EDA: variants seen among roughly 807,000 people sequenced by gnomAD.
EDA encodes ectodysplasin-A.
In EDA, 2 loss-of-function variants were observed where a neutral mutation model predicts 23.6. The observed-to-expected ratio is 0.08, with a 90% CI of 0.03 to 0.27. The LOEUF (loss-of-function observed/expected upper bound fraction) is 0.27, where lower values mean the gene tolerates loss of function less well. EDA is among the 10% of genes least tolerant of loss of function. EDA has a pLI of 1.00. For synonymous variants in EDA, 131 were observed against 132.0 expected (o/e 0.99, Z 0.05); for missense variants, 229 against 324.2 (o/e 0.71, Z 2.26).
chrX:70,033,639 C>A, intron 7 of EDA, 111 bp downstream of exon 7: 1 of 916,050 alleles, frequency 1.1e-6, no homozygotes, highest in Non-Finnish European at 1.5e-6. Flanking sequence ...TAACTTCCTG[C>A]TTTGGGTGAG....
chrX:69,799,696 CA>C (rs139693126), intron 1 of EDA, among the ~76,000 whole-genome samples: 6 of 88,014 alleles, frequency 6.8e-5, no homozygotes, highest in African/African-American at 2.1e-4. Context: ...ACTAAAAAGA[CA>C]AAAAAAAAAA....
At chrX:70,014,581 G>T (rs1456686058) in intron 2 of EDA, among the ~76,000 whole-genome samples, 1 of 112,077 alleles carries the variant, frequency 8.9e-6, no homozygotes, top group Non-Finnish European at 1.9e-5. Context: ...TCTTAGCCAG[G>T]CTGAAATGGC....
At chrX:69,702,080 G>C (rs985543168) in intron 1 of EDA, among the ~76,000 whole-genome samples, 1 of 111,633 alleles carries the variant, frequency 9.0e-6, no homozygotes, top group Non-Finnish European at 1.9e-5. Context: ...GGGTCTTCTG[G>C]AAATGAACCA....
At chrX:69,694,058 A>G (rs949983864) in intron 1 of EDA, among the ~76,000 whole-genome samples, 4 of 112,079 alleles carry the variant, frequency 3.6e-5, no homozygotes, top group African/African-American at 1.3e-4. Flanking sequence ...CAATTTAAAA[A>G]TAGTCCCCAC....
intron 1 of EDA, among the ~76,000 whole-genome samples, chrX:69,893,618 A>G (rs1391983287): frequency 7.1e-5 from 8 of 112,656 alleles, no homozygotes; most frequent in Non-Finnish European, 1.5e-4. Context: ...ATAAACATAA[A>G]GAATAATAAG....
chrX:69,699,873 T>C (rs1348405100), intron 1 of EDA, among the ~76,000 whole-genome samples: 1 of 110,403 alleles, frequency 9.1e-6, no homozygotes, highest in Non-Finnish European at 1.9e-5. Flanking sequence ...AGAGGGCCTT[T>C]AGCAGCTTGA....
At chrX:69,738,767 G>A (rs1226997869) in intron 1 of EDA, among the ~76,000 whole-genome samples, 1 of 109,093 alleles carries the variant, frequency 9.2e-6, no homozygotes, top group Non-Finnish European at 1.9e-5. Context: ...TTAGGAGTAT[G>A]CTACTTCATT....
intron 1 of EDA, among the ~76,000 whole-genome samples, chrX:69,682,480 G>T (rs766882937): frequency 5.4e-4 from 61 of 112,287 alleles, no homozygotes; most frequent in African/African-American, 1.5e-3. Context: ...GAGACTCCGT[G>T]GACGTAGGAC....
At chrX:69,709,924 A>C (rs1181718589) in intron 1 of EDA, among the ~76,000 whole-genome samples, 2 of 111,285 alleles carry the variant, frequency 1.8e-5, no homozygotes, top group South Asian at 3.7e-4. Flanking sequence ...AGATTGCAAA[A>C]ATTTTCTCCC....
intron 1 of EDA, among the ~76,000 whole-genome samples, chrX:69,654,428 C>T (rs1453128855): frequency 9.0e-6 from 1 of 111,472 alleles, no homozygotes; most frequent in Non-Finnish European, 1.9e-5. Flanking sequence ...ACCATTTGAA[C>T]CAGCCATCCC....
intron 1 of EDA, among the ~76,000 whole-genome samples, chrX:69,711,253 C>T (rs1212486402): frequency 6.3e-5 from 7 of 111,035 alleles, no homozygotes; most frequent in East Asian, 2.8e-4. Flanking sequence ...GAGATAATCA[C>T]GTGGTTTTTG....
chrX:69,679,481 A>G, intron 1 of EDA, among the ~76,000 whole-genome samples: 1 of 111,831 alleles, frequency 8.9e-6, no homozygotes, highest in Middle Eastern at 4.6e-3. Flanking sequence ...GCTATTGATT[A>G]TTGCCACAAT....
intron 1 of EDA, among the ~76,000 whole-genome samples, chrX:69,894,655 C>CT (rs878982118): frequency 9.0e-6 from 1 of 110,991 alleles, no homozygotes. Flanking sequence ...GGTAATTTAT[C>CT]TTTTTTGTGG....
At chrX:69,654,072 A>C (rs1241677086) in intron 1 of EDA, among the ~76,000 whole-genome samples, 2 of 112,113 alleles carry the variant, frequency 1.8e-5, no homozygotes, top group African/African-American at 6.5e-5. Flanking sequence ...GCTAATATCC[A>C]GAATCTACAA....
intron 1 of EDA, among the ~76,000 whole-genome samples, chrX:69,890,974 A>G (rs1305935462): frequency 9.0e-6 from 1 of 111,655 alleles, no homozygotes; most frequent in Non-Finnish European, 1.9e-5. Context: ...ATGGGAGAAA[A>G]TATTTGCAAT....
At chrX:69,727,695 T>G (rs993537351) in intron 1 of EDA, among the ~76,000 whole-genome samples, 2 of 112,154 alleles carry the variant, frequency 1.8e-5, no homozygotes, top group African/African-American at 6.5e-5. Flanking sequence ...TCACCATCCT[T>G]GTCTAAACTT....
intron 1 of EDA, among the ~76,000 whole-genome samples, chrX:69,750,253 G>C (rs377649735): frequency 2.1e-5 from 2 of 95,243 alleles, no homozygotes; most frequent in Non-Finnish European, 4.1e-5. Flanking sequence ...ATTCTCACCT[G>C]TGAGTGAGAA....
chrX:70,034,642 G>A (rs1194339900), intron 7 of EDA, among the ~76,000 whole-genome samples: 3 of 111,878 alleles, frequency 2.7e-5, no homozygotes, highest in Non-Finnish European at 5.6e-5. Context: ...TGCAGGCTGG[G>A]AAAATCCCCA....
chrX:70,029,829 A>G (rs940826160), intron 5 of EDA, among the ~76,000 whole-genome samples: 6 of 112,606 alleles, frequency 5.3e-5, no homozygotes, highest in African/African-American at 1.9e-4. Flanking sequence ...ATAAGCTGCC[A>G]GTCAGACCTA....
Sources: gnomAD v4.1 joint callset for allele counts (sites outside exome capture counted in the v4.1 genomes callset) on GRCh38, gnomAD v4.1.1 for gene constraint, MANE v1.5 for transcripts, NCBI Gene and HGNC (gene_info 2026-07-23, HGNC 2026-07-21) for gene names.